The following R3HDM1 variants were observed in gnomAD, a reference collection of about 807,000 sequenced individuals.
The protein encoded by R3HDM1 is R3H domain containing 1.
R3HDM1 carries 46 observed loss-of-function variants against 141.1 expected under a neutral mutation model. The observed-to-expected ratio is 0.33, with a 90% CI of 0.26 to 0.42. The LOEUF is 0.42. Ranked by LOEUF, R3HDM1 falls within the 10% of genes least tolerant of loss-of-function variation. The pLI is 1.00. For missense variants in R3HDM1, 1,184 were observed against 1,368.3 expected (o/e 0.87, Z 2.12); for synonymous variants, 435 against 472.9 (o/e 0.92, Z 1.04).
rs191091083 is a variant in R3HDM1 at position 135,639,846 on chromosome 2, C to T, written c.1219+724C>T. Among the ~76,000 whole-genome samples the T allele has an allele frequency of 7.4e-4, 112 of 152,272 alleles. 2 individuals carry two copies. In the East Asian group the frequency reaches 0.018, roughly 24 times the overall value. ...GCGCAGTGGCTCATGCCTGTAATCC[C>T]AACACTTTGGGATGCCGAGGCAGGC... On this transcript the variant is annotated intron_variant, in intron 14 of 26. Coordinates refer to ENST00000683871, the MANE Select transcript of R3HDM1 (RefSeq NM_001378107.1).
At chr2:135,681,587 T>G (rs937864176) in intron 21 of R3HDM1, among the ~76,000 whole-genome samples, 1 of 152,092 alleles carries the variant, frequency 6.6e-6, no homozygotes, top group African/African-American at 2.4e-5. Context: ...TAATTGGGGT[T>G]TCTGCACAAG....
At chr2:135,550,343 C>CT in intron 1 of R3HDM1, 3 of 608,578 alleles carry the variant, frequency 4.9e-6, no homozygotes, top group South Asian at 1.4e-4. Flanking sequence ...TACAGCTACT[C>CT]TACCATGTTT....
intron 3 of R3HDM1, among the ~76,000 whole-genome samples, chr2:135,615,088 G>T (rs1417524021): frequency 6.6e-6 from 1 of 151,880 alleles, no homozygotes; most frequent in Non-Finnish European, 1.5e-5. Flanking sequence ...TCCTTTTGTT[G>T]TTCTGTAGTT....
Position 135,602,611 on chromosome 2 carries a change from C to T in R3HDM1, c.-138C>T. On this transcript the variant is annotated 5_prime_UTR_variant, in exon 2 of 27. Coordinates refer to ENST00000683871, the MANE Select transcript of R3HDM1 (RefSeq NM_001378107.1). ...CTGCCAGATTACAGATGGTTCACTA[C>T]AGTTGACATCCTGGCTGACAACTGT... is the stretch of plus-strand genomic sequence containing the variant. 2 of 1,546,842 alleles carry T rather than the reference C, an allele frequency of 1.3e-6. No individual in the cohort carries two copies. The highest frequency in any genetic ancestry group is 1.7e-6 in the Non-Finnish European group (2 of 1,145,928).
chr2:135,537,737 A>G (rs1231443717), intron 1 of R3HDM1, among the ~76,000 whole-genome samples: 1 of 150,668 alleles, frequency 6.6e-6, no homozygotes, highest in Non-Finnish European at 1.5e-5. Flanking sequence ...GCTCACTGCA[A>G]CCTCCGCCTT....
rs770922045 is a variant in R3HDM1 at position 135,710,196 on chromosome 2, T to A, written c.2701T>A (p.Cys901Ser). The A allele has an allele frequency of 3.7e-6, 6 of 1,613,832 alleles. No homozygotes were observed. In the African/African-American group the frequency reaches 6.7e-5, roughly 18 times the overall value. The change falls in exon 23 of 27, where the codon TGT becomes AGT. Residue 901 changes from cysteine (C) to serine (S), a missense_variant. Physicochemically the swap from Cys to Ser is moderately radical, Grantham distance 112 (BLOSUM62 -1). Coordinates refer to ENST00000683871, the MANE Select transcript of R3HDM1 (RefSeq NM_001378107.1). ...YYCDHQRGQKCVEFSSVDNIV... is the reference protein window; with the variant it reads ...YYCDHQRGQKSVEFSSVDNIV... ...CTGTGATCACCAGAGAGGACAGAAG[T>A]GTGTAGAATTTAGCAGTGTAGACAA...
intron 21 of R3HDM1, among the ~76,000 whole-genome samples, chr2:135,691,889 A>G (rs2072447509): frequency 6.6e-6 from 1 of 152,124 alleles, no homozygotes; most frequent in Non-Finnish European, 1.5e-5. Context: ...ATACACCAAT[A>G]TAATCACTAG....
chr2:135,676,050 G>A (rs1559407724), intron 20 of R3HDM1, among the ~76,000 whole-genome samples: 1 of 152,140 alleles, frequency 6.6e-6, no homozygotes, highest in Non-Finnish European at 1.5e-5. Flanking sequence ...ATTAGGCCAG[G>A]CACAGTGGCT....
At chr2:135,650,541 T>G in intron 17 of R3HDM1, 1 of 983,346 alleles carries the variant, frequency 1.0e-6, no homozygotes, top group Non-Finnish European at 1.2e-6. Context: ...AATAAGAAAA[T>G]GACTTTTTTC....
intron 1 of R3HDM1, among the ~76,000 whole-genome samples, chr2:135,555,192 C>G (rs908735014): frequency 6.7e-6 from 1 of 150,262 alleles, no homozygotes; most frequent in African/African-American, 2.5e-5. Context: ...CCTAGCTACT[C>G]GGGAGGCTGA....
Position 135,620,507 on chromosome 2 carries a change from A to G in R3HDM1, c.304-987A>G, listed in dbSNP as rs2061427576. The G allele has an allele frequency of 4.1e-6, 4 of 984,016 alleles. No homozygotes were observed. The South Asian group carries it at 1.4e-4, about 35-fold the overall frequency. 61.0% of individuals were successfully genotyped at this position (984,016 alleles called of 1,614,324 possible). A position where few individuals can be genotyped will look rare whatever the true frequency, so the allele number is the denominator to read the frequency against. ...CAGTGTGCATCATTTACCCTATATT[A>G]TGAACACAAATTTTAACTGGTATGA... On this transcript the variant is annotated intron_variant, in intron 5 of 26. Transcript: ENST00000683871.
intron 5 of R3HDM1, among the ~76,000 whole-genome samples, chr2:135,621,008 T>C (rs1266973372): frequency 6.6e-6 from 1 of 152,082 alleles, no homozygotes; most frequent in Non-Finnish European, 1.5e-5. Context: ...GAAATGTTTG[T>C]ACTTAACATT....
chr2:135,534,883 G>A (rs922747446), intron 1 of R3HDM1, among the ~76,000 whole-genome samples: 8 of 152,100 alleles, frequency 5.3e-5, no homozygotes, highest in Non-Finnish European at 1.2e-4. Context: ...ATTTGAGTTA[G>A]TATTAAGTTT....
At chr2:135,649,097 C>T (rs1032092780) in intron 16 of R3HDM1, 2 of 150,514 alleles carry the variant, frequency 1.3e-5, no homozygotes, top group African/African-American at 4.9e-5. Flanking sequence ...ACGGAGTCTC[C>T]CTCTGGCGCC....
At chr2:135,717,778 A>G (rs2076314164) in intron 24 of R3HDM1, among the ~76,000 whole-genome samples, 2 of 152,228 alleles carry the variant, frequency 1.3e-5, no homozygotes, top group African/African-American at 4.8e-5. Flanking sequence ...GCTTTAGGAA[A>G]AGGTATGGCA....
In R3HDM1 at chr2:135,632,004, A is replaced by G. The variant is rs1484658859; in HGVS notation, c.698+3A>G. ...AACAAAACTAGCAATACAAGAATGT[A>G]AGTGTCAAGAGATGTAACTACATAT... On this transcript the variant is annotated splice_donor_region_variant and intron_variant, in intron 9 of 26. Transcript: ENST00000683871. 5 of 1,594,492 alleles carry G rather than the reference A, an allele frequency of 3.1e-6. No individual in the cohort carries two copies. Among genetic ancestry groups the G allele is most frequent in the Non-Finnish European group, 4.3e-6 (5 of 1,167,706 alleles).
chr2:135,715,399 T>A, intron 23 of R3HDM1, 151 bp from the exon 24 acceptor site: 1 of 841,176 alleles, frequency 1.2e-6, no homozygotes, highest in Non-Finnish European at 1.7e-6. Context: ...AGAAACCATC[T>A]GTTACCAGTG....
chr2:135,603,781 A>G (rs1559217385), intron 2 of R3HDM1, among the ~76,000 whole-genome samples: 1 of 152,068 alleles, frequency 6.6e-6, no homozygotes, highest in South Asian at 2.1e-4. Flanking sequence ...TAATTTTTGT[A>G]TTTTTAGTAG....
chr2:135,655,649 G>T (rs2065767689), intron 18 of R3HDM1, among the ~76,000 whole-genome samples: 1 of 151,876 alleles, frequency 6.6e-6, no homozygotes, highest in Non-Finnish European at 1.5e-5. Flanking sequence ...TGGGACTACA[G>T]GTGCCCGCCA....
Sources: allele counts gnomAD v4.1 joint callset (sites outside exome capture counted in the v4.1 genomes callset), GRCh38; gene constraint gnomAD v4.1.1; transcripts MANE v1.5; gene names NCBI Gene and HGNC (gene_info 2026-07-23, HGNC 2026-07-21).